The following ZCCHC14 variants were observed in gnomAD, a reference collection of about 807,000 sequenced individuals.
ZCCHC14 encodes the protein zinc finger CCHC domain-containing protein 14.
Under a neutral mutation model 85.0 loss-of-function variants are expected in ZCCHC14, and 16 were observed. The observed-to-expected ratio is 0.19, with a 90% CI of 0.13 to 0.29. The LOEUF is 0.29. ZCCHC14 is among the 10% of genes least tolerant of loss of function. ZCCHC14 has a pLI of 1.00. For synonymous variants in ZCCHC14, 775 were observed against 630.7 expected (o/e 1.23, Z -3.43); for missense variants, 1,303 against 1,443.5 (o/e 0.90, Z 1.58).
chr16:87,447,692 T>C (rs1157872475), intron 2 of ZCCHC14, among the ~76,000 whole-genome samples: 1 of 152,238 alleles, frequency 6.6e-6, no homozygotes, highest in Non-Finnish European at 1.5e-5. Flanking sequence ...GTTGTGGATG[T>C]ACGCTTTCAT....
chr16:87,422,739 G>GA (rs368531133), intron 4 of ZCCHC14, among the ~76,000 whole-genome samples: 4,614 of 144,284 alleles, frequency 0.032, 111 homozygotes, highest in Middle Eastern at 0.042. Flanking sequence ...CCATCTCAAA[G>GA]AAAAAAAAAA....
At chr16:87,465,961 C>T (rs1323018585) in intron 1 of ZCCHC14, among the ~76,000 whole-genome samples, 4 of 152,088 alleles carry the variant, frequency 2.6e-5, no homozygotes, top group Admixed American at 6.5e-5. Context: ...GTCTCCGCAA[C>T]GTCCCTTTAG....
intron 2 of ZCCHC14, among the ~76,000 whole-genome samples, chr16:87,445,626 G>C (rs1227422596): frequency 6.6e-6 from 1 of 152,138 alleles, no homozygotes; most frequent in African/African-American, 2.4e-5. Flanking sequence ...AGTTTCCTTT[G>C]ATATTTTATT....
chr16:87,457,215 GGT>G (rs1911018706), intron 2 of ZCCHC14, among the ~76,000 whole-genome samples: 1 of 152,124 alleles, frequency 6.6e-6, no homozygotes, highest in African/African-American at 2.4e-5. Flanking sequence ...ACAATAAATA[GGT>G]CAGGAAAAAA....
chr16:87,445,022 G>A (rs918285925), intron 2 of ZCCHC14, among the ~76,000 whole-genome samples: 1 of 151,728 alleles, frequency 6.6e-6, no homozygotes, highest in African/African-American at 2.4e-5. Flanking sequence ...TCTTTATATT[G>A]TAGTGACAAC....
Position 87,491,189 on chromosome 16 carries a change from G to A in ZCCHC14, c.570+480C>T, listed in dbSNP as rs547853765. Among the ~76,000 whole-genome samples, 5 of 152,366 alleles carry A rather than the reference G, an allele frequency of 3.3e-5. No individual in the cohort carries two copies. Among genetic ancestry groups the A allele is most frequent in the Non-Finnish European group, 5.9e-5 (4 of 68,028 alleles). ...GCACCTGGGACTGTGAGCTCTGACC[G>A]CGGACGTCTCCCGCACCGCTCCCGC... On this transcript the variant is annotated intron_variant, in intron 1 of 12. Coordinates refer to ENST00000671377, the MANE Select transcript of ZCCHC14 (RefSeq NM_015144.3). The surrounding 1 kb of genome is among the most constrained non-coding windows in gnomAD (Gnocchi z 5.9).
intron 1 of ZCCHC14, 116 bp from the exon 2 acceptor site, chr16:87,460,247 T>A (rs946672448): frequency 7.5e-7 from 1 of 1,327,132 alleles, no homozygotes; most frequent in African/African-American, 1.5e-5. Context: ...CTACAAAACA[T>A]GTATTATTAT....
rs556541212 is a variant in ZCCHC14 at position 87,458,636 on chromosome 16, G to A, written c.694+1372C>T. Among the ~76,000 whole-genome samples, 6 of 152,302 alleles carry A rather than the reference G, an allele frequency of 3.9e-5. No individual in the cohort carries two copies. In the East Asian group the frequency reaches 5.8e-4, roughly 15 times the overall value. ...TGGCTCTCGATGGCGTTGTCAGAAC[G>A]GGACTTTAGAAACAAAGCAGTTATG... On this transcript the variant is annotated intron_variant, in intron 2 of 12. Transcript: ENST00000671377.
At chr16:87,479,317 G>A (rs1439410578) in intron 1 of ZCCHC14, among the ~76,000 whole-genome samples, 1 of 151,722 alleles carries the variant, frequency 6.6e-6, no homozygotes, top group Non-Finnish European at 1.5e-5. Flanking sequence ...TCAGGAGGCT[G>A]AGGCAGGAGA....
intron 1 of ZCCHC14, among the ~76,000 whole-genome samples, chr16:87,475,646 C>G (rs1397883672): frequency 6.6e-6 from 1 of 150,662 alleles, no homozygotes; most frequent in South Asian, 2.1e-4. Flanking sequence ...TAACAGCAGA[C>G]TGGAGGTAAC....
chr16:87,432,311 C>T (rs1241415229), intron 3 of ZCCHC14, among the ~76,000 whole-genome samples: 1 of 152,162 alleles, frequency 6.6e-6, no homozygotes, highest in African/African-American at 2.4e-5. Context: ...GCCTTTTAGG[C>T]ATCTAGGTGG....
At chr16:87,464,622 C>CT (rs1263223145) in intron 1 of ZCCHC14, among the ~76,000 whole-genome samples, 1 of 152,190 alleles carries the variant, frequency 6.6e-6, no homozygotes, top group Non-Finnish European at 1.5e-5. Context: ...AAGGAAAACT[C>CT]TTTAGAATGG....
chr16:87,450,090 C>T (rs1039940930), intron 2 of ZCCHC14, among the ~76,000 whole-genome samples: 1 of 152,128 alleles, frequency 6.6e-6, no homozygotes, highest in South Asian at 2.1e-4. Context: ...CCAGCAGACG[C>T]CCCTTCTTCT....
At chr16:87,490,432 C>T (rs1017115923) in intron 1 of ZCCHC14, among the ~76,000 whole-genome samples, 1 of 152,230 alleles carries the variant, frequency 6.6e-6, no homozygotes, top group Admixed American at 6.5e-5. Flanking sequence ...ACACATCACA[C>T]CAGGTCAAAG....
At chr16:87,415,497 CA>C in intron 8 of ZCCHC14, 130 bp from the exon 9 acceptor site, 1 of 743,390 alleles carries the variant, frequency 1.3e-6, no homozygotes. Flanking sequence ...CTGAACTCAG[CA>C]ATTACAAGCT....
intron 12 of ZCCHC14, among the ~76,000 whole-genome samples, chr16:87,410,824 G>C (rs1162260783): frequency 6.6e-6 from 1 of 152,236 alleles, no homozygotes; most frequent in Admixed American, 6.5e-5. Context: ...TGATGTTACA[G>C]GCAGGTCTGA....
Position 87,415,268 on chromosome 16 carries a change from A to G in ZCCHC14, c.1475+8T>C. The G allele has an allele frequency of 6.2e-7, 1 of 1,613,736 alleles. No homozygotes were observed. The highest frequency in any genetic ancestry group is 8.5e-7 in the Non-Finnish European group (1 of 1,179,826). On this transcript the variant is annotated splice_region_variant and intron_variant, in intron 9 of 12. Coordinates refer to ENST00000671377, the MANE Select transcript of ZCCHC14 (RefSeq NM_015144.3). ...AAACACAGGTTTCAAAACCCACTTC[A>G]CACTCACTTTTCCAGCTCCAGCTGG...
At chr16:87,469,888 G>T (rs1188603994) in intron 1 of ZCCHC14, among the ~76,000 whole-genome samples, 4 of 152,178 alleles carry the variant, frequency 2.6e-5, no homozygotes, top group African/African-American at 9.7e-5. Flanking sequence ...TGCACTGGGG[G>T]CCAGGGCCTA....
intron 1 of ZCCHC14, among the ~76,000 whole-genome samples, chr16:87,463,541 G>A (rs1418121392): frequency 2.6e-5 from 4 of 151,978 alleles, no homozygotes; most frequent in East Asian, 1.9e-4. Flanking sequence ...AGTCTCAGCT[G>A]GGCACGGTGG....
Sources: allele counts gnomAD v4.1 joint callset (sites outside exome capture counted in the v4.1 genomes callset), GRCh38; gene constraint gnomAD v4.1.1; non-coding constraint Gnocchi (gnomAD v3.1); transcripts MANE v1.5; gene names NCBI Gene and HGNC (gene_info 2026-07-23, HGNC 2026-07-21).